SCHIP1: variants seen among roughly 807,000 people sequenced by gnomAD.
The protein encoded by SCHIP1 is schwannomin interacting protein 1.
Under a neutral mutation model 29.7 loss-of-function variants are expected in SCHIP1, and 8 were observed. The observed-to-expected ratio is 0.27, with a 90% CI of 0.16 to 0.49. The LOEUF (loss-of-function observed/expected upper bound fraction) is 0.49, where lower values mean the gene tolerates loss of function less well. Among genes scored for constraint, SCHIP1 ranks in the 20% least tolerant of loss-of-function variants. The pLI, the probability that SCHIP1 is intolerant of heterozygous loss-of-function variation, is 0.99. For missense variants in SCHIP1, 193 were observed against 294.6 expected, an observed-to-expected ratio of 0.66 and a Z score of 2.52; for synonymous variants, 76 against 94.9, an observed-to-expected ratio of 0.80 and a Z score of 1.16.
the SCHIP1 span, among the ~76,000 whole-genome samples, chr3:159,795,847 AAGCCAATAGTAAGAGGGAGGCTGTGG>A: frequency 6.6e-6 from 1 of 152,210 alleles, no homozygotes; most frequent in South Asian, 2.1e-4. Context: ...GTGTTGACGG[AAGCCAATAGTAAGAGGGAGGCTGTGG>A]AGCAATGTTT....
the SCHIP1 span, among the ~76,000 whole-genome samples, chr3:159,533,277 G>A: frequency 6.6e-5 from 10 of 152,146 alleles, no homozygotes; most frequent in Admixed American, 3.3e-4. Flanking sequence ...CACAGCAGGC[G>A]TGCAATCTCC....
the SCHIP1 span, among the ~76,000 whole-genome samples, chr3:159,303,952 G>A: frequency 1.3e-5 from 2 of 151,556 alleles, no homozygotes; most frequent in African/African-American, 2.4e-5. Flanking sequence ...ACGCTGTTGC[G>A]CTGCACCCAC....
At chr3:159,576,820 C>T in the SCHIP1 span, among the ~76,000 whole-genome samples, 5 of 152,170 alleles carry the variant, frequency 3.3e-5, no homozygotes, top group African/African-American at 1.2e-4. Flanking sequence ...CTTAGGTTTA[C>T]TAAGATAGGC....
chr3:159,821,356 C>A, the SCHIP1 span, among the ~76,000 whole-genome samples: 1 of 152,140 alleles, frequency 6.6e-6, no homozygotes, highest in Non-Finnish European at 1.5e-5. Context: ...TAGAGAGGGC[C>A]AGGCAGTGCC....
chr3:159,769,595 C>T, the SCHIP1 span, among the ~76,000 whole-genome samples: 2 of 151,702 alleles, frequency 1.3e-5, no homozygotes, highest in South Asian at 4.2e-4. Flanking sequence ...ACTAAAAATA[C>T]AAAAATTAGC....
intron 5 of SCHIP1, among the ~76,000 whole-genome samples, chr3:159,890,104 AAAAG>A (rs945996043): frequency 3.3e-5 from 5 of 152,042 alleles, no homozygotes; most frequent in Non-Finnish European, 4.4e-5. Flanking sequence ...CAAAAAAAAA[AAAAG>A]AAAGAAAGAA....
At chr3:159,398,552 G>T in the SCHIP1 span, among the ~76,000 whole-genome samples, 1 of 152,148 alleles carries the variant, frequency 6.6e-6, no homozygotes, top group Non-Finnish European at 1.5e-5. Flanking sequence ...AGTAAGACTG[G>T]ATTCCGGGGG....
the SCHIP1 span, among the ~76,000 whole-genome samples, chr3:159,366,633 C>T: frequency 3.3e-5 from 5 of 152,142 alleles, no homozygotes; most frequent in Non-Finnish European, 7.3e-5. Flanking sequence ...AGACTTGTCC[C>T]TCCAGGCTTA....
At chr3:159,404,919 C>T in the SCHIP1 span, among the ~76,000 whole-genome samples, 309 of 152,306 alleles carry the variant, frequency 2.0e-3, no homozygotes, top group African/African-American at 6.8e-3. Context: ...TCCTCCCTCA[C>T]CTCCAGGAAA....
intron 6 of SCHIP1, chr3:159,893,762 G>C (rs2109525843): frequency 6.6e-6 from 1 of 152,238 alleles, no homozygotes; most frequent in Non-Finnish European, 1.5e-5. Context: ...TAATTTAAAG[G>C]TGTTGGAGGC....
the SCHIP1 span, among the ~76,000 whole-genome samples, chr3:159,622,203 A>G: frequency 6.6e-6 from 1 of 152,214 alleles, no homozygotes; most frequent in East Asian, 1.9e-4. Flanking sequence ...TAAGCAGGCA[A>G]GGTGCCACCA....
chr3:159,881,907 C>T (rs1223056710), intron 2 of SCHIP1, among the ~76,000 whole-genome samples: 1 of 152,196 alleles, frequency 6.6e-6, no homozygotes, highest in Non-Finnish European at 1.5e-5. Flanking sequence ...GTGTCTAGGG[C>T]TTCAGTTGAG....
the SCHIP1 span, among the ~76,000 whole-genome samples, chr3:159,625,299 G>A: frequency 2.0e-5 from 3 of 152,068 alleles, no homozygotes; most frequent in Non-Finnish European, 4.4e-5. Context: ...GGTTTTGGGA[G>A]GCATAAATGG....
At chr3:159,401,091 C>A in the SCHIP1 span, 2 of 630,230 alleles carry the variant, frequency 3.2e-6, no homozygotes, top group Non-Finnish European at 4.0e-6. Context: ...ATAGCACATC[C>A]TACAGGATTT....
chr3:159,608,849 A>C, the SCHIP1 span, among the ~76,000 whole-genome samples: 1 of 152,142 alleles, frequency 6.6e-6, no homozygotes, highest in Non-Finnish European at 1.5e-5. Context: ...CCGATTAATT[A>C]CTCCAATAAA....
the SCHIP1 span, among the ~76,000 whole-genome samples, chr3:159,651,654 T>C: frequency 6.6e-6 from 1 of 152,216 alleles, no homozygotes; most frequent in Non-Finnish European, 1.5e-5. Context: ...AAAGGCAAAT[T>C]GTATAATTAT....
chr3:159,592,945 C>T, the SCHIP1 span, among the ~76,000 whole-genome samples: 1 of 152,076 alleles, frequency 6.6e-6, no homozygotes, highest in Admixed American at 6.5e-5. Flanking sequence ...CACAAATTAA[C>T]AGTTATCGAG....
At chr3:159,554,436 C>T in the SCHIP1 span, among the ~76,000 whole-genome samples, 1 of 152,132 alleles carries the variant, frequency 6.6e-6, no homozygotes, top group Admixed American at 6.5e-5. Flanking sequence ...CCTACCTTCC[C>T]CTGCTTTGCT....
the SCHIP1 span, among the ~76,000 whole-genome samples, chr3:159,377,605 G>A: frequency 5.3e-5 from 8 of 152,268 alleles, no homozygotes; most frequent in Non-Finnish European, 1.2e-4. Flanking sequence ...GATGGTTTAT[G>A]GGTAATGAAA....
Sources: allele counts gnomAD v4.1 joint callset (sites outside exome capture counted in the v4.1 genomes callset), GRCh38; gene constraint gnomAD v4.1.1; transcripts MANE v1.5; gene names NCBI Gene and HGNC (gene_info 2026-07-23, HGNC 2026-07-21).